Variants in MAGI3 observed in about 807,000 individuals in gnomAD.
MAGI3 encodes the protein membrane associated guanylate kinase, WW and PDZ domain containing 3, also known as membrane-associated guanylate kinase, WW and PDZ domain-containing protein 3.
Under a neutral mutation model 121.8 loss-of-function variants are expected in MAGI3, and 43 were observed. That is an observed-to-expected ratio of 0.35 (90% confidence interval 0.28 to 0.46). The LOEUF (loss-of-function observed/expected upper bound fraction) is 0.46. Ranked by LOEUF, MAGI3 falls within the 20% of genes least tolerant of loss-of-function variation. MAGI3 has a pLI of 1.00. For missense variants in MAGI3, 1,547 were observed against 1,797.3 expected (o/e 0.86, Z 2.52); for synonymous variants, 553 against 639.3 (o/e 0.86, Z 2.04).
intron 9 of MAGI3, among the ~76,000 whole-genome samples, chr1:113,624,915 A>G (rs116163684): frequency 0.012 from 1,840 of 152,296 alleles, 20 homozygotes; most frequent in Non-Finnish European, 0.019. Context: ...GTCAAGTTTC[A>G]TTCTTCTACA....
At chr1:113,464,058 C>A (rs1373717088) in intron 1 of MAGI3, among the ~76,000 whole-genome samples, 1 of 152,072 alleles carries the variant, frequency 6.6e-6, no homozygotes, top group Non-Finnish European at 1.5e-5. Context: ...GTTATAGTCA[C>A]CCTACTCACC....
chr1:113,623,637 G>A lies in MAGI3; in HGVS notation c.1360+643G>A, dbSNP rs557210063. Among the ~76,000 whole-genome samples, 443 of 151,880 alleles carry A rather than the reference G, an allele frequency of 2.9e-3. 2 individuals carry two copies. The highest frequency in any genetic ancestry group is 9.3e-3 in the African/African-American group (383 of 41,404). ...CGAGTAGCTGGGACTACAGGCGCCC[G>A]CCACCACGCCTGGCTAATTTTTTGT... is the stretch of plus-strand genomic sequence containing the variant. On this transcript the variant is annotated intron_variant, in intron 9 of 20. Coordinates refer to ENST00000307546, the MANE Select transcript of MAGI3 (RefSeq NM_001142782.2).
chr1:113,407,780 T>C (rs1177808361), intron 1 of MAGI3, among the ~76,000 whole-genome samples: 1 of 152,136 alleles, frequency 6.6e-6, no homozygotes, highest in African/African-American at 2.4e-5. Flanking sequence ...TATTTTAGCT[T>C]GTAAGAATAA....
chr1:113,645,285 A>G (rs1652773381), intron 11 of MAGI3, among the ~76,000 whole-genome samples: 1 of 151,990 alleles, frequency 6.6e-6, no homozygotes, highest in Non-Finnish European at 1.5e-5. Context: ...CGGCCTCCCA[A>G]AGTGCTGGGA....
At chr1:113,493,060 C>CA (rs1404089421) in intron 1 of MAGI3, among the ~76,000 whole-genome samples, 1 of 151,912 alleles carries the variant, frequency 6.6e-6, no homozygotes, top group Non-Finnish European at 1.5e-5. Flanking sequence ...CATATGGAAC[C>CA]AAAAAAGAGC....
chr1:113,578,036 C>T (rs1226484092), intron 2 of MAGI3, among the ~76,000 whole-genome samples: 11 of 152,094 alleles, frequency 7.2e-5, no homozygotes. Context: ...ATGAGTTGGG[C>T]TCAGTCGGGA....
At chr1:113,561,009 A>G (rs1191823998) in intron 2 of MAGI3, among the ~76,000 whole-genome samples, 1 of 152,220 alleles carries the variant, frequency 6.6e-6, no homozygotes, top group Non-Finnish European at 1.5e-5. Context: ...AAACTAGAAA[A>G]TCTAGAAGAA....
At chr1:113,393,804 TTTATC>T (rs1650951397) in intron 1 of MAGI3, among the ~76,000 whole-genome samples, 1 of 152,214 alleles carries the variant, frequency 6.6e-6, no homozygotes, top group Non-Finnish European at 1.5e-5. Context: ...ATTTTTTGCT[TTTATC>T]TAAACTTTGT....
At chr1:113,621,942 G>T (rs1362961318) in intron 8 of MAGI3, among the ~76,000 whole-genome samples, 17 of 152,040 alleles carry the variant, frequency 1.1e-4, no homozygotes. Flanking sequence ...CTAAGGCTAG[G>T]ATATGGATGT....
Position 113,415,613 on chromosome 1 carries a change from A to G in MAGI3, c.316+24264A>G, listed in dbSNP as rs184711793. The stretch of plus-strand genomic sequence containing the variant: ...GTCGTTCCTGTTTTTTTCCAAATCC[A>G]TGATGATATCTCCTATTGCCAACTA... On this transcript the variant is annotated intron_variant, in intron 1 of 20. Transcript: ENST00000307546. 3.1e-3 allele frequency among the ~76,000 whole-genome samples: 474 copies of G among 152,004 alleles called. 5 individuals are homozygous for G. Among genetic ancestry groups the G allele is most frequent in the Non-Finnish European group, 2.5e-3 (171 of 67,902 alleles).
chr1:113,613,875 T>C (rs1188987749), intron 6 of MAGI3, among the ~76,000 whole-genome samples: 2 of 152,260 alleles, frequency 1.3e-5, no homozygotes, highest in Admixed American at 6.5e-5. Context: ...GAAAAGCTCA[T>C]GTCAGTTCAT....
intron 1 of MAGI3, among the ~76,000 whole-genome samples, chr1:113,503,555 A>G (rs1346842755): frequency 2.0e-5 from 3 of 152,106 alleles, no homozygotes; most frequent in Non-Finnish European, 2.9e-5. Flanking sequence ...ACATATATGC[A>G]CATACATTAT....
chr1:113,506,056 G>C (rs1182548479), intron 1 of MAGI3, among the ~76,000 whole-genome samples: 6 of 152,094 alleles, frequency 3.9e-5, no homozygotes, highest in African/African-American at 1.4e-4. Context: ...TGATTATAGG[G>C]TATAAGAGGA....
At chr1:113,483,215 T>C (rs75399392) in intron 1 of MAGI3, among the ~76,000 whole-genome samples, 10 of 152,314 alleles carry the variant, frequency 6.6e-5, no homozygotes, top group Non-Finnish European at 1.3e-4. Context: ...GGTGCTGATA[T>C]TTACATATGG....
rs992992998 is a variant in MAGI3 at position 113,390,598 on chromosome 1, G to A, written c.-436G>A. Among the ~76,000 whole-genome samples, 3 of 152,088 alleles carry A rather than the reference G, an allele frequency of 2.0e-5. No individual in the cohort carries two copies. The highest frequency in any genetic ancestry group is 4.8e-5 in the African/African-American group (2 of 41,430). ...GATCGATCCCGCGACGGGTCTACGC[G>A]CGCTTCTGCGCGCCCCCCACGGATT... is the stretch of plus-strand genomic sequence containing the variant. On this transcript the variant is annotated 5_prime_UTR_variant, in exon 1 of 21. Coordinates refer to ENST00000307546, the MANE Select transcript of MAGI3 (RefSeq NM_001142782.2).
chr1:113,439,701 C>T (rs1433760823), intron 1 of MAGI3, among the ~76,000 whole-genome samples: 1 of 152,082 alleles, frequency 6.6e-6, no homozygotes, highest in African/African-American at 2.4e-5. Flanking sequence ...TCTTATGTGC[C>T]AGGGAATGTG....
chr1:113,445,450 A>G (rs1654131655), intron 1 of MAGI3, among the ~76,000 whole-genome samples: 1 of 152,064 alleles, frequency 6.6e-6, no homozygotes, highest in Non-Finnish European at 1.5e-5. Flanking sequence ...AAAAATAATA[A>G]TAAAAAAAAT....
intron 2 of MAGI3, among the ~76,000 whole-genome samples, chr1:113,559,052 CTAAA>C (rs1328510488): frequency 6.6e-6 from 1 of 152,122 alleles, no homozygotes. Flanking sequence ...TAAGGAAACA[CTAAA>C]TATGAAAAGG....
chr1:113,486,869 G>A (rs192360462), intron 1 of MAGI3, among the ~76,000 whole-genome samples: 212 of 152,046 alleles, frequency 1.4e-3, no homozygotes, highest in Non-Finnish European at 2.2e-3. Flanking sequence ...CCACCACATG[G>A]CTAATTTTTA....
Sources: allele counts gnomAD v4.1 joint callset (sites outside exome capture counted in the v4.1 genomes callset), GRCh38; gene constraint gnomAD v4.1.1; transcripts MANE v1.5; gene names NCBI Gene and HGNC (gene_info 2026-07-23, HGNC 2026-07-21).